The following MAN2B2 variants were observed in gnomAD, a reference collection of about 807,000 sequenced individuals.
The protein encoded by MAN2B2 is mannosidase alpha class 2B member 2, also known as epididymis-specific alpha-mannosidase.
In MAN2B2, 106 loss-of-function variants were observed where a neutral mutation model predicts 117.1. The observed-to-expected ratio is 0.90, with a 90% CI of 0.77 to 1.06. The LOEUF (loss-of-function observed/expected upper bound fraction) is 1.06, where lower values mean the gene tolerates loss of function less well. MAN2B2 is among the 50% of genes least tolerant of loss of function. The pLI is 0.00. For synonymous variants in MAN2B2, 544 were observed against 595.1 expected, an observed-to-expected ratio of 0.91 and a Z score of 1.25; for missense variants, 1,326 against 1,381.4, an observed-to-expected ratio of 0.96 and a Z score of 0.64.
In MAN2B2 at chr4:6,598,275, G is replaced by T; in HGVS notation, c.1326G>T (p.Gly442=). The T allele has an allele frequency of 6.2e-7, 1 of 1,613,708 alleles. No homozygotes were observed. Among genetic ancestry groups the T allele is most frequent in the Non-Finnish European group, 8.5e-7 (1 of 1,180,032 alleles). ...RDMYATHLAS[G]MLGMRKLMAS... ...TGTACGCAACGCACCTGGCCTCGGG[G>T]ATGCTGGGCATGCGCAAGCTGATGG... is the stretch of plus-strand genomic sequence containing the variant. Residue 442 remains glycine, a synonymous_variant, in exon 9 of 19, where the codon GGG becomes GGT. Coordinates refer to ENST00000285599, the MANE Select transcript of MAN2B2 (RefSeq NM_015274.3).
At chr4:6,613,597 A>T (rs1360574531) in intron 15 of MAN2B2, among the ~76,000 whole-genome samples, 34 of 94,824 alleles carry the variant, frequency 3.6e-4, no homozygotes, top group African/African-American at 1.4e-3. Context: ...GAAGGAAGGG[A>T]GGGAGGGGAA....
chr4:6,609,758 T>A (rs761549410), intron 12 of MAN2B2, 40 bp from the exon 13 acceptor site: 81 of 1,576,588 alleles, frequency 5.1e-5, no homozygotes, highest in Admixed American at 8.5e-5. Flanking sequence ...ATCTAGAAGG[T>A]TCCTGGAGCT....
intron 9 of MAN2B2, among the ~76,000 whole-genome samples, chr4:6,599,398 C>A (rs375195213): frequency 6.6e-6 from 1 of 152,108 alleles, no homozygotes; most frequent in Non-Finnish European, 1.5e-5. Flanking sequence ...CATGGTGGCT[C>A]ACACCTGTAA....
Position 6,614,313 on chromosome 4 carries a change from T to C in MAN2B2, c.2659T>C (p.Tyr887His). Residue 887 changes from tyrosine to histidine, a missense_variant, in exon 16 of 19, where the codon TAC becomes CAC. Physicochemically the swap from Tyr to His is moderately conservative, Grantham distance 83. Transcript: ENST00000285599. ...LQILSIPGWRYSSNHTEHSQN... is the reference protein window; with the variant it reads ...LQILSIPGWRHSSNHTEHSQN... ...GATCCTGAGCATCCCTGGCTGGCGC[T>C]ACAGCTCCAACCACACGGAGCACTC... 1 of 1,614,112 alleles carries C rather than the reference T, an allele frequency of 6.2e-7. No individual in the cohort carries two copies. The highest frequency in any genetic ancestry group is 8.5e-7 in the Non-Finnish European group (1 of 1,179,990).
At chr4:6,619,668 G>A (rs1448345492) in intron 17 of MAN2B2, 3 of 402,090 alleles carry the variant, frequency 7.5e-6, no homozygotes, top group East Asian at 5.3e-5. Context: ...CACACCTCCC[G>A]GGCTGCTCCT....
At position 6,614,339 on chromosome 4, in the gene MAN2B2, T is replaced by C; in HGVS notation, c.2685T>C (p.Ser895=). Residue 895 remains serine (S), a synonymous_variant, in exon 16 of 19, where the codon TCT becomes TCC. Transcript: ENST00000285599. The part of the protein sequence containing the change: ...WRYSSNHTEH[S]QNLRKGHRGE... ...ACAGCTCCAACCACACGGAGCACTC[T>C]CAGAATCTCCGGAAAGGTGAGGCAG... The C allele has an allele frequency of 6.2e-7, 1 of 1,613,914 alleles. No individual in the cohort carries two copies. Among genetic ancestry groups the C allele is most frequent in the East Asian group, 2.2e-5 (1 of 44,876 alleles).
rs868178030 is a variant in MAN2B2 at position 6,578,980 on chromosome 4, G to A, written c.391+482G>A. Among the ~76,000 whole-genome samples the A allele has an allele frequency of 1.1e-4, 9 of 84,672 alleles. No homozygotes were observed. The East Asian group carries it at 1.7e-3, about 16-fold the overall frequency. The allele number at this position is 84,672 out of a possible 152,430, so 55.5% of individuals were successfully genotyped here. Reference sequence around the variant, plus strand: ...CTACTACCATCACCACCACCACCACGATGACCATCACTACCACTACCATCA... The same window carrying A: ...CTACTACCATCACCACCACCACCACAATGACCATCACTACCACTACCATCA... On this transcript the variant is annotated intron_variant, in intron 3 of 18. Coordinates refer to ENST00000285599, the MANE Select transcript of MAN2B2 (RefSeq NM_015274.3).
Position 6,621,554 on chromosome 4 carries a change from T to C in MAN2B2, c.*269T>C, listed in dbSNP as rs139353400. On this transcript the variant is annotated 3_prime_UTR_variant, in exon 19 of 19. Coordinates refer to ENST00000285599, the MANE Select transcript of MAN2B2 (RefSeq NM_015274.3). ...ACGTAAAGGATATTTGGCACACTCATGCGTCATTCATTCACAAAACACAAA... is the reference window on the plus strand; with the variant it reads ...ACGTAAAGGATATTTGGCACACTCACGCGTCATTCATTCACAAAACACAAA... The C allele has an allele frequency of 6.2e-5, 23 of 371,298 alleles. No homozygotes were observed. The highest frequency in any genetic ancestry group is 3.9e-4 in the African/African-American group (19 of 48,544). The allele number at this position is 371,298 out of a possible 1,614,324, so 23.0% of individuals were successfully genotyped here.
intron 10 of MAN2B2, among the ~76,000 whole-genome samples, chr4:6,604,161 T>C (rs904660348): frequency 6.6e-6 from 1 of 152,132 alleles, no homozygotes; most frequent in Non-Finnish European, 1.5e-5. Context: ...GGGTTGGTGA[T>C]GCTGGAGCCC....
At chr4:6,579,356 C>A (rs1272292032) in intron 3 of MAN2B2, among the ~76,000 whole-genome samples, 2 of 119,900 alleles carry the variant, frequency 1.7e-5, no homozygotes, top group Non-Finnish European at 1.8e-5. Context: ...CCATCACCAC[C>A]ACCATCACCA....
chr4:6,575,780 G>A (rs551026336), intron 1 of MAN2B2, among the ~76,000 whole-genome samples: 1 of 152,328 alleles, frequency 6.6e-6, no homozygotes, highest in South Asian at 2.1e-4. Context: ...AGGGGTGAAG[G>A]TGGACCTGTG....
chr4:6,597,339 A>C, intron 8 of MAN2B2, 36 bp downstream of exon 8: 1 of 1,508,194 alleles, frequency 6.6e-7, no homozygotes, highest in South Asian at 1.3e-5. Flanking sequence ...CAGGATTGGA[A>C]CCTCCCATGC....
At position 6,597,153 on chromosome 4, in the gene MAN2B2, C is replaced by A. The variant is rs1056060458; in HGVS notation, c.1098C>A (p.Ser366Arg). Reference sequence around the variant, plus strand: ...GGACGGGCTTCTACACGTCCCGCAGCTCACTGAAGGGGCTGGCCCGGCGAG... The same window carrying A: ...GGACGGGCTTCTACACGTCCCGCAGATCACTGAAGGGGCTGGCCCGGCGAG... ...QAWTGFYTSR[S>R]SLKGLARRAS... The change falls in exon 8 of 19, where the codon AGC (serine) becomes AGA (arginine). Residue 366 changes from serine (S) to arginine (R), a missense_variant. Ser to Arg is a moderately radical substitution (Grantham distance 110). Coordinates refer to ENST00000285599, the MANE Select transcript of MAN2B2 (RefSeq NM_015274.3). 6 of 1,613,242 alleles carry A rather than the reference C, an allele frequency of 3.7e-6. No homozygotes were observed. Among genetic ancestry groups the A allele is most frequent in the Non-Finnish European group, 2.5e-6 (3 of 1,179,900 alleles).
chr4:6,606,496 A>G (rs1021074307), intron 11 of MAN2B2, among the ~76,000 whole-genome samples: 5 of 152,358 alleles, frequency 3.3e-5, no homozygotes, highest in Non-Finnish European at 7.4e-5. Context: ...CTCAGGCCCC[A>G]TGCCCCCTCT....
In MAN2B2 at chr4:6,611,081, C is replaced by T. The variant is rs372801197; in HGVS notation, c.2371-5C>T. 123 of 1,612,234 alleles carry T rather than the reference C, an allele frequency of 7.6e-5. No homozygotes were observed. The highest frequency in any genetic ancestry group is 8.7e-5 in the Non-Finnish European group (103 of 1,178,762). On this transcript the variant is annotated splice_region_variant and splice_polypyrimidine_tract_variant and intron_variant, in intron 14 of 18. Transcript: ENST00000285599. ...CCGGGCCTCTCGGACAATGCCTTCC[C>T]GCAGGTCATGCTCCACCGGCGGCTG...
Position 6,576,590 on chromosome 4 carries a change from G to A in MAN2B2, c.151G>A (p.Ala51Thr). The part of the protein sequence containing the change: ...WVYTVQESMR[A>T]YAANVYTSVV... ...GTCCCCTCCCCAGGAAAGCATGCGG[G>A]CGTACGCCGCCAATGTCTACACCTC... The change falls in exon 2 of 19, where the codon GCG becomes ACG. Residue 51 changes from alanine to threonine, a missense_variant. Physicochemically the swap from Ala to Thr is moderately conservative, Grantham distance 58 (BLOSUM62 0). Coordinates refer to ENST00000285599, the MANE Select transcript of MAN2B2 (RefSeq NM_015274.3). 1.2e-6 allele frequency: 2 copies of A among 1,613,174 alleles called. No individual in the cohort carries two copies. The highest frequency in any genetic ancestry group is 1.7e-6 in the Non-Finnish European group (2 of 1,179,632).
intron 18 of MAN2B2, 100 bp from the exon 19 acceptor site, chr4:6,621,088 C>A: frequency 1.2e-6 from 1 of 811,320 alleles, no homozygotes. Flanking sequence ...GAGAGGGAGG[C>A]TGGGAGCCAC....
chr4:6,619,995 G>A lies in MAN2B2; in HGVS notation c.2883G>A (p.Leu961=), dbSNP rs78413540. The change falls in exon 18 of 19, where the codon TTG becomes TTA. Residue 961 remains leucine (L), a synonymous_variant. Transcript: ENST00000285599. ...GCTCGCTCACAGGGACCTGGGATTT[G>A]AGCATGCTGCACCGCTGGAGCTGGA... The part of the protein sequence containing the change: ...EERSLTGTWD[L]SMLHRWSWRT... 2 of 1,613,898 alleles carry A rather than the reference G, an allele frequency of 1.2e-6. No individual in the cohort carries two copies. Among genetic ancestry groups the A allele is most frequent in the Admixed American group, 1.7e-5 (1 of 60,028 alleles).
chr4:6,584,074 A>G (rs1726542955), intron 3 of MAN2B2, among the ~76,000 whole-genome samples: 1 of 152,214 alleles, frequency 6.6e-6, no homozygotes, highest in South Asian at 2.1e-4. Context: ...ACCATCAGGA[A>G]ATGCCCTCTC....
Sources: allele counts gnomAD v4.1 joint callset (sites outside exome capture counted in the v4.1 genomes callset), GRCh38; gene constraint gnomAD v4.1.1; transcripts MANE v1.5; gene names NCBI Gene and HGNC (gene_info 2026-07-23, HGNC 2026-07-21).